The following SSBP3 variants were observed in gnomAD, a reference collection of about 807,000 sequenced individuals.
SSBP3 encodes the protein single stranded DNA binding protein 3.
Under a neutral mutation model 69.6 loss-of-function variants are expected in SSBP3, and 5 were observed. The ratio of observed to expected loss-of-function variants is 0.07; its 90% CI spans 0.04 to 0.15. The LOEUF is 0.15. Ranked by LOEUF, SSBP3 falls within the 10% of genes least tolerant of loss-of-function variation. The probability of loss-of-function intolerance (pLI) is 1.00; values close to 1 mark genes in which losing one functional copy is unlikely to be tolerated. For synonymous variants in SSBP3, 196 were observed against 193.4 expected (o/e 1.01, Z -0.11); for missense variants, 312 against 534.0 (o/e 0.58, Z 4.10).
intron 5 of SSBP3, among the ~76,000 whole-genome samples, chr1:54,267,300 C>A (rs1645118729): frequency 6.6e-6 from 1 of 152,188 alleles, no homozygotes; most frequent in Non-Finnish European, 1.5e-5. Flanking sequence ...GCCCAATATC[C>A]ATAACATATG....
rs1645964265 is a variant in SSBP3 at position 54,309,690 on chromosome 1, TG to T, written c.277-28164del. Among the ~76,000 whole-genome samples, 10 of 152,276 alleles carry T rather than the reference TG, an allele frequency of 6.6e-5. No homozygotes were observed. The South Asian group carries it at 2.1e-3, about 32-fold the overall frequency. ...AAAATCCCTAACTCCCCGGTTGCCC[TG>T]TACTCAGAAATAACCAAAAGCTTTA... On this transcript the variant is annotated intron_variant, in intron 4 of 17. Coordinates refer to ENST00000610401, the Ensembl canonical transcript of SSBP3.
At chr1:54,257,331 G>A in intron 6 of SSBP3, 145 bp from the exon 7 acceptor site, 1 of 641,958 alleles carries the variant, frequency 1.6e-6, no homozygotes. Context: ...CCCTTTGACA[G>A]CAAAACTTCC....
chr1:54,311,525 C>T (rs1646001402), intron 4 of SSBP3, among the ~76,000 whole-genome samples: 1 of 152,172 alleles, frequency 6.6e-6, no homozygotes, highest in South Asian at 2.1e-4. Flanking sequence ...AAAGGACCTA[C>T]CCACAAGATG....
rs761905061 is a variant in SSBP3 at position 54,228,245 on chromosome 1, C to T, written c.1137+10G>A. ...GGGGACGAGAGCAACAGGCAGGGGG[C>T]GAGGCTTACATTGTCGTTCTGAAAG... On this transcript the variant is annotated intron_variant, in intron 17 of 17. Coordinates refer to ENST00000610401, the Ensembl canonical transcript of SSBP3. 6.2e-6 allele frequency: 10 copies of T among 1,611,180 alleles called. No individual in the cohort carries two copies. Among genetic ancestry groups the T allele is most frequent in the Non-Finnish European group, 8.5e-6 (10 of 1,177,756 alleles).
intron 5 of SSBP3, among the ~76,000 whole-genome samples, chr1:54,277,828 GT>G (rs938566840): frequency 4.6e-5 from 7 of 152,104 alleles, no homozygotes; most frequent in African/African-American, 1.7e-4. Flanking sequence ...ACTGGACAGT[GT>G]CCCCCTTAAG....
rs1226176667 is a variant in SSBP3 at position 54,288,189 on chromosome 1, C to T, written c.277-6662G>A. 5.3e-5 allele frequency among the ~76,000 whole-genome samples: 8 copies of T among 152,280 alleles called. No homozygotes were observed. In the South Asian group the frequency reaches 1.5e-3, roughly 28 times the overall value. Reference sequence around the variant, plus strand: ...GGATTGCCATAGGACCCACCACCGCCTGGGCCTGGGGATTATTAAGACAAA... The same window carrying T: ...GGATTGCCATAGGACCCACCACCGCTTGGGCCTGGGGATTATTAAGACAAA... On this transcript the variant is annotated intron_variant, in intron 4 of 17. Transcript: ENST00000610401.
chr1:54,352,562 T>C (rs1470408425), intron 4 of SSBP3, among the ~76,000 whole-genome samples: 1 of 152,124 alleles, frequency 6.6e-6, no homozygotes, highest in Non-Finnish European at 1.5e-5. Context: ...AAGTCATCCA[T>C]ATGGGGTCTT....
At chr1:54,234,079 T>G (rs1215741243) in intron 14 of SSBP3, among the ~76,000 whole-genome samples, 1 of 151,654 alleles carries the variant, frequency 6.6e-6, no homozygotes, top group Non-Finnish European at 1.5e-5. Flanking sequence ...ACATGTGCTG[T>G]GTCCACTCAG....
At chr1:54,396,211 A>AAAAAAAAAAC (rs1557591493) in intron 4 of SSBP3, among the ~76,000 whole-genome samples, 5 of 150,148 alleles carry the variant, frequency 3.3e-5, no homozygotes, top group African/African-American at 1.2e-4. Context: ...AAAAAAAAAA[A>AAAAAAAAAAC]AAAAAAAACA....
At chr1:54,228,400 C>T (rs181097294) in intron 16 of SSBP3, 44 bp from the exon 17 acceptor site, 1 of 1,614,160 alleles carries the variant, frequency 6.2e-7, no homozygotes, top group East Asian at 2.2e-5. Context: ...TCCCCAACAA[C>T]CTGCCCACAC....
rs1057193638 is a variant in SSBP3 at position 54,405,469 on chromosome 1, G to A, written c.56+484C>T. On this transcript the variant is annotated intron_variant, in intron 1 of 17. Transcript: ENST00000610401. ...GGAGCCGGTGACGAAGCCGAGGACA[G>A]GGAAGGGAGAGCGCTCCCGGCCGAA... The A allele has an allele frequency of 2.1e-4, 34 of 159,322 alleles. 1 individual carries two copies. The highest frequency in any genetic ancestry group is 1.9e-3 in the Admixed American group (32 of 17,034). 9.9% of individuals were successfully genotyped at this position (159,322 alleles called of 1,614,324 possible).
chr1:54,309,826 G>T (rs1223106975), intron 4 of SSBP3, among the ~76,000 whole-genome samples: 1 of 152,204 alleles, frequency 6.6e-6, no homozygotes, highest in East Asian at 1.9e-4. Context: ...ACAAAGCGGG[G>T]GAAGGCAGGA....
At chr1:54,289,480 C>A (rs531197814) in intron 4 of SSBP3, among the ~76,000 whole-genome samples, 1 of 152,132 alleles carries the variant, frequency 6.6e-6, no homozygotes, top group Non-Finnish European at 1.5e-5. Context: ...ACCCAGACTG[C>A]GCTGTGCTCA....
At chr1:54,302,531 C>T (rs977626470) in intron 4 of SSBP3, among the ~76,000 whole-genome samples, 6 of 152,014 alleles carry the variant, frequency 3.9e-5, no homozygotes, top group Admixed American at 6.6e-5. Context: ...AGGTTGGTCT[C>T]GTCTTAGCAT....
In SSBP3 at chr1:54,249,595, TG is replaced by T. The variant is rs1356601051; in HGVS notation, c.651+2020del. ...CTGTAGTCCCAGCTACTTGGGAGAC[TG>T]AGGATGTGGTGAGCAGAGATGATGC... On this transcript the variant is annotated intron_variant, in intron 9 of 17. Transcript: ENST00000610401. 2.0e-5 allele frequency among the ~76,000 whole-genome samples: 3 copies of T among 152,024 alleles called. No homozygotes were observed. In the East Asian group the frequency reaches 5.8e-4, roughly 29 times the overall value.
At chr1:54,238,280 AC>A (rs373690278) in intron 14 of SSBP3, 11 of 470,852 alleles carry the variant, frequency 2.3e-5, no homozygotes, top group Non-Finnish European at 3.1e-5. Flanking sequence ...AAAAGGCCCT[AC>A]CCCCTCAACC....
intron 5 of SSBP3, among the ~76,000 whole-genome samples, chr1:54,273,270 G>C (rs756952549): frequency 6.6e-6 from 1 of 152,244 alleles, no homozygotes; most frequent in African/African-American, 2.4e-5. Context: ...GTTTTTCAGA[G>C]GGGGAGGGAG....
chr1:54,318,048 G>T (rs541605563), intron 4 of SSBP3, among the ~76,000 whole-genome samples: 3 of 152,220 alleles, frequency 2.0e-5, no homozygotes, highest in Non-Finnish European at 4.4e-5. Flanking sequence ...GATTAAAGGC[G>T]TGAGCCACTG....
At chr1:54,242,141 C>A in intron 11 of SSBP3, 23 bp downstream of exon 11, 1 of 1,611,970 alleles carries the variant, frequency 6.2e-7, no homozygotes, top group Non-Finnish European at 8.5e-7. Context: ...ACAAACACCA[C>A]CCCACCCGAC....
Sources: gnomAD v4.1 joint callset for allele counts (sites outside exome capture counted in the v4.1 genomes callset) on GRCh38, gnomAD v4.1.1 for gene constraint, MANE v1.5 for transcripts, NCBI Gene and HGNC (gene_info 2026-07-23, HGNC 2026-07-21) for gene names.